The following DLGAP1 variants were observed in gnomAD, a reference collection of about 807,000 sequenced individuals.
The protein encoded by DLGAP1 is disks large-associated protein 1.
Under a neutral mutation model 90.8 loss-of-function variants are expected in DLGAP1, and 11 were observed. The ratio of observed to expected loss-of-function variants is 0.12; its 90% CI spans 0.08 to 0.20. DLGAP1 has a LOEUF of 0.20. DLGAP1 is among the 10% of genes least tolerant of loss of function. The pLI, the probability that DLGAP1 is intolerant of heterozygous loss-of-function variation, is 1.00. For missense variants in DLGAP1, 1,050 were observed against 1,333.8 expected (o/e 0.79, Z 3.31); for synonymous variants, 558 against 540.7 (o/e 1.03, Z -0.44).
chr18:3,696,046 T>A (rs572055968), intron 7 of DLGAP1, among the ~76,000 whole-genome samples: 4 of 152,276 alleles, frequency 2.6e-5, no homozygotes, highest in Admixed American at 2.6e-4. Flanking sequence ...ATATTGATTT[T>A]GTATCCTGAG....
At chr18:4,386,714 C>T (rs992120032) in intron 1 of DLGAP1, among the ~76,000 whole-genome samples, 1 of 152,130 alleles carries the variant, frequency 6.6e-6, no homozygotes, top group East Asian at 1.9e-4. Context: ...GGGATATGGG[C>T]AGCAACTCTT....
intron 1 of DLGAP1, among the ~76,000 whole-genome samples, chr18:4,339,260 G>A (rs541430560): frequency 6.6e-6 from 1 of 152,232 alleles, no homozygotes; most frequent in South Asian, 2.1e-4. Context: ...CTTATAAGTG[G>A]GAGCTGAACA....
At chr18:3,980,866 G>A (rs1372769465) in intron 3 of DLGAP1, among the ~76,000 whole-genome samples, 1 of 152,054 alleles carries the variant, frequency 6.6e-6, no homozygotes, top group African/African-American at 2.4e-5. Flanking sequence ...TTACCTTATA[G>A]ATTTGCCATT....
chr18:4,255,312 A>C (rs1337345301), intron 1 of DLGAP1, among the ~76,000 whole-genome samples: 1 of 152,090 alleles, frequency 6.6e-6, no homozygotes, highest in Non-Finnish European at 1.5e-5. Flanking sequence ...TGAGCTCTTA[A>C]TTCTTGTGTT....
At chr18:4,029,032 A>G (rs946604471) in intron 2 of DLGAP1, among the ~76,000 whole-genome samples, 1 of 152,116 alleles carries the variant, frequency 6.6e-6, no homozygotes, top group African/African-American at 2.4e-5. Context: ...CACCTTCTCC[A>G]TAGTAACCAC....
At chr18:3,672,086 G>GTTTTT (rs1188604312) in intron 7 of DLGAP1, among the ~76,000 whole-genome samples, 6 of 152,090 alleles carry the variant, frequency 3.9e-5, no homozygotes, top group African/African-American at 1.2e-4. Flanking sequence ...GATTTGAAAA[G>GTTTTT]TTAATATTCT....
chr18:3,636,953 G>A (rs1350706758), intron 7 of DLGAP1, among the ~76,000 whole-genome samples: 1 of 148,622 alleles, frequency 6.7e-6, no homozygotes. Flanking sequence ...TCGATCTCCT[G>A]ACCTCATGAT....
intron 1 of DLGAP1, among the ~76,000 whole-genome samples, chr18:4,329,927 A>G (rs1284721635): frequency 6.6e-6 from 1 of 151,932 alleles, no homozygotes; most frequent in Non-Finnish European, 1.5e-5. Flanking sequence ...TATTTTCTGG[A>G]AGGGTTCCTA....
chr18:4,094,013 A>C (rs2075631142), intron 2 of DLGAP1, among the ~76,000 whole-genome samples: 1 of 152,190 alleles, frequency 6.6e-6, no homozygotes, highest in African/African-American at 2.4e-5. Context: ...GTGAACTTTT[A>C]TAATTTTCTT....
rs965811324 is a variant in DLGAP1, at chr18:3,711,366, C to G, written c.1591+17769G>C. Among the ~76,000 whole-genome samples the G allele has an allele frequency of 2.0e-5, 3 of 152,134 alleles. No homozygotes were observed. The highest frequency in any genetic ancestry group is 4.4e-5 in the Non-Finnish European group (3 of 68,026). On this transcript the variant is annotated intron_variant, in intron 7 of 12. Coordinates refer to ENST00000315677, the MANE Select transcript of DLGAP1 (RefSeq NM_004746.4). The surrounding 1 kb of genome is among the most constrained non-coding windows in gnomAD (Gnocchi z 4.0). ...GATAAAAATTGTGTTAAAGAATAGC[C>G]AGGTAAATCGACCTGTTTATAAAAT...
intron 7 of DLGAP1, among the ~76,000 whole-genome samples, chr18:3,674,309 A>ATATATATATATATATATATATATATG (rs1555624007): frequency 1.4e-5 from 2 of 140,514 alleles, no homozygotes; most frequent in African/African-American, 5.7e-5. Context: ...ATATATATAT[A>ATATATATATATATATATATATATATG]TATGTATATT....
At chr18:3,601,490 C>T (rs2057020740) in intron 7 of DLGAP1, among the ~76,000 whole-genome samples, 1 of 151,680 alleles carries the variant, frequency 6.6e-6, no homozygotes. Context: ...CATTCTCTTC[C>T]CAACCCCTCC....
chr18:4,067,554 C>T (rs78358857), intron 2 of DLGAP1, among the ~76,000 whole-genome samples: 35,495 of 151,380 alleles, frequency 0.23, 5,253 homozygotes, highest in African/African-American at 0.4. Context: ...AAGATACTAA[C>T]ATAACCCAGG....
chr18:3,905,669 G>A (rs1380152926), intron 3 of DLGAP1, among the ~76,000 whole-genome samples: 2 of 152,084 alleles, frequency 1.3e-5, no homozygotes, highest in African/African-American at 2.4e-5. Flanking sequence ...GAGACAATGC[G>A]ATAGGCCCCA....
At chr18:3,556,394 T>C (rs2053751692) in intron 9 of DLGAP1, among the ~76,000 whole-genome samples, 1 of 152,224 alleles carries the variant, frequency 6.6e-6, no homozygotes, top group Non-Finnish European at 1.5e-5. Context: ...ATCGTTTCAC[T>C]GCCCCAGACA....
intron 2 of DLGAP1, among the ~76,000 whole-genome samples, chr18:4,013,396 G>A (rs1027602452): frequency 7.2e-5 from 11 of 152,222 alleles, no homozygotes; most frequent in Admixed American, 1.3e-4. Context: ...AGTAAGTGAA[G>A]GAGCTGGACC....
At chr18:4,403,009 A>G (rs945779282) in intron 1 of DLGAP1, among the ~76,000 whole-genome samples, 3 of 152,232 alleles carry the variant, frequency 2.0e-5, no homozygotes, top group Non-Finnish European at 2.9e-5. Context: ...TCTGACCATG[A>G]CTAATACTAG....
At chr18:3,666,769 G>A (rs1259768383) in intron 7 of DLGAP1, among the ~76,000 whole-genome samples, 1 of 151,934 alleles carries the variant, frequency 6.6e-6, no homozygotes, top group Non-Finnish European at 1.5e-5. Flanking sequence ...TTTTAAATTT[G>A]TTTTAGAGAT....
intron 1 of DLGAP1, among the ~76,000 whole-genome samples, chr18:4,285,531 C>T (rs1392541752): frequency 6.6e-6 from 1 of 152,170 alleles, no homozygotes; most frequent in African/African-American, 2.4e-5. Context: ...AGAAAAACTT[C>T]AGCCAAATTC....
Sources: gnomAD v4.1 joint callset for allele counts (sites outside exome capture counted in the v4.1 genomes callset) on GRCh38, gnomAD v4.1.1 for gene constraint, Gnocchi (gnomAD v3.1) non-coding constraint, MANE v1.5 for transcripts, NCBI Gene and HGNC (gene_info 2026-07-23, HGNC 2026-07-21) for gene names.